The following ASH1L variants were observed in gnomAD, a reference collection of about 807,000 sequenced individuals.
The protein encoded by ASH1L is histone-lysine N-methyltransferase ASH1L.
In ASH1L, 23 loss-of-function variants were observed where a neutral mutation model predicts 269.0. The observed-to-expected ratio is 0.09, with a 90% confidence interval of 0.06 to 0.12. ASH1L has a LOEUF of 0.12. Ranked by LOEUF, ASH1L falls within the 10% of genes least tolerant of loss-of-function variation. The probability of loss-of-function intolerance (pLI) is 1.00; values close to 1 mark genes in which losing one functional copy is unlikely to be tolerated. For synonymous variants in ASH1L, 1,187 were observed against 1,253.5 expected (o/e 0.95, Z 1.12); for missense variants, 2,912 against 3,567.8 (o/e 0.82, Z 4.68).
chr1:155,488,429 G>A (rs1666476507), intron 2 of ASH1L, among the ~76,000 whole-genome samples: 1 of 148,430 alleles, frequency 6.7e-6, no homozygotes, highest in African/African-American at 2.5e-5. Context: ...GGAGGCCGAG[G>A]TGGGCAGATC....
At chr1:155,462,354 G>A (rs536618102) in intron 3 of ASH1L, among the ~76,000 whole-genome samples, 1 of 152,286 alleles carries the variant, frequency 6.6e-6, no homozygotes, top group African/African-American at 2.4e-5. Context: ...AGTGTTTCCT[G>A]AATTTCTTGG....
intron 7 of ASH1L, among the ~76,000 whole-genome samples, chr1:155,383,510 C>T (rs538801560): frequency 1.3e-5 from 2 of 152,320 alleles, no homozygotes; most frequent in East Asian, 1.9e-4. Context: ...AGTATACTAA[C>T]ATGATATACA....
Position 155,370,656 on chromosome 1 carries a change from G to A in ASH1L, c.6540-6C>T, listed in dbSNP as rs760871710. ...ACTGCTCAATCATCCTGTTCCTAAA[G>A]AGAAGATAAATGATTGAAAGACAAT... On this transcript the variant is annotated splice_polypyrimidine_tract_variant and splice_region_variant and intron_variant, in intron 11 of 27. Coordinates refer to ENST00000392403, the MANE Select transcript of ASH1L (RefSeq NM_018489.3). 3 of 1,613,832 alleles carry A rather than the reference G, an allele frequency of 1.9e-6. No homozygotes were observed. Among genetic ancestry groups the A allele is most frequent in the Non-Finnish European group, 1.7e-6 (2 of 1,179,882 alleles).
At chr1:155,380,636 C>CTT (rs1246850320) in intron 7 of ASH1L, among the ~76,000 whole-genome samples, 1 of 144,262 alleles carries the variant, frequency 6.9e-6, no homozygotes, top group African/African-American at 2.5e-5. Flanking sequence ...GAATGAAATT[C>CTT]TTTTTTTTTT....
upstream of ASH1L, chr1:155,562,869 C>CGCCGCCACG (rs759377489): frequency 8.6e-6 from 4 of 463,342 alleles, no homozygotes; most frequent in South Asian, 3.1e-5. Flanking sequence ...GGCCACCAAC[C>CGCCGCCACG]GCCGCCACGG....
At chr1:155,433,898 C>A (rs1456593471) in intron 5 of ASH1L, 2 of 1,598,484 alleles carry the variant, frequency 1.3e-6, no homozygotes, top group African/African-American at 1.3e-5. Flanking sequence ...TATCGAGAAC[C>A]GAGTGAGAGG....
intron 2 of ASH1L, among the ~76,000 whole-genome samples, chr1:155,494,537 G>A (rs1667026609): frequency 6.6e-6 from 1 of 152,176 alleles, no homozygotes; most frequent in South Asian, 2.1e-4. Context: ...TTAGAAGGTG[G>A]CAAGTGTTAG....
At position 155,348,949 on chromosome 1, in the gene ASH1L, T is replaced by C. The variant is rs533342396; in HGVS notation, c.7554+378A>G. On this transcript the variant is annotated intron_variant, in intron 19 of 27. Transcript: ENST00000392403. ...ACACACACACACACACACACACATA[T>C]AAACATTTACCTATGCATATTTCTG... is the stretch of plus-strand genomic sequence containing the variant. 5.1e-3 allele frequency among the ~76,000 whole-genome samples: 749 copies of C among 148,038 alleles called. 5 individuals carry two copies. The highest frequency in any genetic ancestry group is 0.018 in the African/African-American group (703 of 39,702).
At position 155,347,745 on chromosome 1, in the gene ASH1L, T is replaced by C. The variant is rs750263417; in HGVS notation, c.7714A>G (p.Asn2572Asp). The part of the protein sequence containing the change: ...SSETSVSEKE[N>D]GHEKDDDVIR... ...ACATCGTCGTCCTTCTCATGCCCAT[T>C]CTCCTTTTCAGAGACTGAGGTCTCA... The change falls in exon 20 of 28, where the codon AAT becomes GAT. Residue 2572 changes from asparagine to aspartate, a missense_variant. This residue lies in a region of ASH1L where 309 missense variants were observed against 435.1 expected (regional missense o/e 0.71). Transcript: ENST00000392403. 2 of 1,614,176 alleles carry C rather than the reference T, an allele frequency of 1.2e-6. No homozygotes were observed. The highest frequency in any genetic ancestry group is 1.7e-6 in the Non-Finnish European group (2 of 1,180,030).
chr1:155,551,659 CAA>C (rs936454643), intron 1 of ASH1L, among the ~76,000 whole-genome samples: 17 of 49,190 alleles, frequency 3.5e-4, no homozygotes, highest in Admixed American at 9.7e-4. Context: ...GACTCCGTCT[CAA>C]AAAAAAAAAA....
chr1:155,426,736 A>C (rs1661189551), intron 5 of ASH1L, among the ~76,000 whole-genome samples: 1 of 152,192 alleles, frequency 6.6e-6, no homozygotes, highest in Non-Finnish European at 1.5e-5. Context: ...TCTAGGCTAC[A>C]CCTACTATGT....
At chr1:155,518,022 G>T (rs945569276) in intron 2 of ASH1L, among the ~76,000 whole-genome samples, 2 of 151,598 alleles carry the variant, frequency 1.3e-5, no homozygotes, top group African/African-American at 2.4e-5. Flanking sequence ...GGATGGTCTC[G>T]ATCTCCTGAC....
At chr1:155,357,861 C>A in intron 13 of ASH1L, 112 bp from the exon 14 acceptor site, 8 of 1,045,454 alleles carry the variant, frequency 7.7e-6, no homozygotes, top group Non-Finnish European at 1.1e-5. Context: ...GTCTCAACCT[C>A]CTGGGCTCAA....
intron 1 of ASH1L, among the ~76,000 whole-genome samples, chr1:155,535,874 T>G (rs995865920): frequency 1.3e-5 from 2 of 151,944 alleles, no homozygotes; most frequent in African/African-American, 4.8e-5. Flanking sequence ...GGCGCATGCC[T>G]GTAATCCCAG....
intron 2 of ASH1L, among the ~76,000 whole-genome samples, chr1:155,511,005 T>C (rs1428546265): frequency 6.6e-6 from 1 of 152,128 alleles, no homozygotes; most frequent in Non-Finnish European, 1.5e-5. Context: ...ATTCTCAACT[T>C]TTGAACCTCA....
chr1:155,401,407 G>A (rs555460899), intron 6 of ASH1L, among the ~76,000 whole-genome samples: 37 of 151,628 alleles, frequency 2.4e-4, no homozygotes, highest in African/African-American at 8.5e-4. Flanking sequence ...GAACCTGGGA[G>A]GCGGAGATTG....
chr1:155,527,052 T>A (rs773746270), intron 1 of ASH1L, among the ~76,000 whole-genome samples: 1 of 151,748 alleles, frequency 6.6e-6, no homozygotes, highest in Non-Finnish European at 1.5e-5. Flanking sequence ...ACCAAAAATA[T>A]AAGAAATTAG....
At chr1:155,451,319 T>C (rs762064029) in intron 4 of ASH1L, among the ~76,000 whole-genome samples, 1 of 152,134 alleles carries the variant, frequency 6.6e-6, no homozygotes, top group Non-Finnish European at 1.5e-5. Context: ...TAGTGGGTGA[T>C]TGCCAGGGAC....
chr1:155,519,655 C>T (rs1668738573), intron 2 of ASH1L, among the ~76,000 whole-genome samples: 1 of 151,924 alleles, frequency 6.6e-6, no homozygotes, highest in African/African-American at 2.4e-5. Context: ...GCTAAAAGTA[C>T]ATTAGAATTT....
Sources: allele counts gnomAD v4.1 joint callset (sites outside exome capture counted in the v4.1 genomes callset), GRCh38; gene constraint gnomAD v4.1.1; regional missense constraint gnomAD v4.1.1; transcripts MANE v1.5; gene names NCBI Gene and HGNC (gene_info 2026-07-23, HGNC 2026-07-21).